The following RABGAP1L variants were observed in gnomAD, a reference collection of about 807,000 sequenced individuals.
The protein encoded by RABGAP1L is rab GTPase-activating protein 1-like.
RABGAP1L carries 63 observed loss-of-function variants against 137.7 expected under a neutral mutation model. The ratio of observed to expected loss-of-function variants is 0.46; its 90% CI spans 0.37 to 0.56. The LOEUF is 0.56. Ranked by LOEUF, RABGAP1L falls within the 20% of genes least tolerant of loss-of-function variation. The probability of loss-of-function intolerance (pLI) is 0.00; values close to 1 mark genes in which losing one functional copy is unlikely to be tolerated. For synonymous variants in RABGAP1L, 431 were observed against 433.7 expected, an observed-to-expected ratio of 0.99 and a Z score of 0.08; for missense variants, 1,095 against 1,244.0, an observed-to-expected ratio of 0.88 and a Z score of 1.80.
At chr1:174,627,019 A>G (rs1370131390) in intron 13 of RABGAP1L, among the ~76,000 whole-genome samples, 1 of 152,196 alleles carries the variant, frequency 6.6e-6, no homozygotes, top group East Asian at 1.9e-4. Context: ...GACAGTCTAT[A>G]CTGGCATTTT....
intron 13 of RABGAP1L, among the ~76,000 whole-genome samples, chr1:174,394,949 G>GTT (rs200599515): frequency 5.6e-5 from 8 of 142,924 alleles, no homozygotes; most frequent in African/African-American, 7.6e-5. Flanking sequence ...GCTGAATTCA[G>GTT]TTTTTTTTTT....
intron 18 of RABGAP1L, among the ~76,000 whole-genome samples, chr1:174,799,556 C>T (rs182148816): frequency 9.2e-5 from 14 of 152,200 alleles, no homozygotes; most frequent in Non-Finnish European, 2.1e-4. Context: ...CTCTCTGTGG[C>T]TTAGGATTCA....
chr1:174,394,138 T>C lies in RABGAP1L; in HGVS notation c.1703T>C (p.Ile568Thr), dbSNP rs1311157516. Residue 568 changes from isoleucine (I) to threonine (T), a missense_variant, in exon 13 of 26, where the codon ATC (isoleucine) becomes ACC (threonine). Around this residue, in one of 4 missense-constraint regions of RABGAP1L, gnomAD observed 315 missense variants for 324.8 expected, o/e 0.97. Coordinates refer to ENST00000681986, the MANE Select transcript of RABGAP1L (RefSeq NM_001366446.1). Reference protein sequence around the residue: ...QAMLDRYRILITKDSAQESVI... With the variant: ...QAMLDRYRILTTKDSAQESVI... Reference sequence around the variant, plus strand: ...ATGCTGGATAGATACCGAATTCTTATCACAAAGGTAGGAAGAAGTTCTTTT... The same window carrying C: ...ATGCTGGATAGATACCGAATTCTTACCACAAAGGTAGGAAGAAGTTCTTTT... The C allele has an allele frequency of 6.2e-7, 1 of 1,612,402 alleles. No individual in the cohort carries two copies. The highest frequency in any genetic ancestry group is 1.1e-5 in the South Asian group (1 of 90,640).
chr1:174,686,982 G>A (rs917264705), intron 15 of RABGAP1L, among the ~76,000 whole-genome samples: 3 of 151,752 alleles, frequency 2.0e-5, no homozygotes, highest in Admixed American at 1.3e-4. Context: ...TGAACATACC[G>A]TAGTTTAGCA....
At chr1:174,201,549 G>A (rs770689542) in intron 1 of RABGAP1L, among the ~76,000 whole-genome samples, 6 of 151,958 alleles carry the variant, frequency 3.9e-5, no homozygotes, top group Non-Finnish European at 4.4e-5. Flanking sequence ...TTTATTTTAT[G>A]TAGATGCTAC....
chr1:174,783,277 A>G (rs754234900), intron 18 of RABGAP1L, among the ~76,000 whole-genome samples: 107 of 152,080 alleles, frequency 7.0e-4, no homozygotes, highest in Non-Finnish European at 9.6e-4. Context: ...CAACGGTTCT[A>G]TTCCGTGACT....
At chr1:174,289,505 A>G (rs2148712866) in intron 10 of RABGAP1L, among the ~76,000 whole-genome samples, 1 of 152,314 alleles carries the variant, frequency 6.6e-6, no homozygotes, top group South Asian at 2.1e-4. Flanking sequence ...CAGTTATTAC[A>G]GCTTTATTAG....
chr1:174,582,765 G>T (rs545100316), intron 13 of RABGAP1L, among the ~76,000 whole-genome samples: 6 of 152,258 alleles, frequency 3.9e-5, no homozygotes, highest in African/African-American at 1.4e-4. Context: ...ATAGGATATT[G>T]TTAGGTTTAT....
At chr1:174,185,423 G>T (rs1666721840) in intron 1 of RABGAP1L, among the ~76,000 whole-genome samples, 1 of 151,928 alleles carries the variant, frequency 6.6e-6, no homozygotes, top group African/African-American at 2.4e-5. Flanking sequence ...TAATTAAATT[G>T]CTTTTTTGGT....
At chr1:174,921,772 T>G (rs2149230269) in intron 19 of RABGAP1L, among the ~76,000 whole-genome samples, 1 of 152,336 alleles carries the variant, frequency 6.6e-6, no homozygotes, top group Non-Finnish European at 1.5e-5. Flanking sequence ...CATGTTTGAA[T>G]TTTTTGTCTT....
chr1:174,847,403 G>A (rs1471494888), intron 19 of RABGAP1L, among the ~76,000 whole-genome samples: 8 of 151,230 alleles, frequency 5.3e-5, no homozygotes, highest in East Asian at 3.9e-4. Flanking sequence ...TCCTTCAGGA[G>A]CTCTTTTAGG....
intron 12 of RABGAP1L, among the ~76,000 whole-genome samples, chr1:174,381,470 C>G (rs1686154935): frequency 2.1e-5 from 2 of 97,336 alleles, no homozygotes; most frequent in Middle Eastern, 0.01. Context: ...AATCTGGGTG[C>G]TCCTGTATTG....
chr1:174,843,077 A>G (rs1045740176), intron 19 of RABGAP1L, among the ~76,000 whole-genome samples: 8 of 152,152 alleles, frequency 5.3e-5, no homozygotes, highest in African/African-American at 1.9e-4. Context: ...AAAATAAAAT[A>G]AATCCTCGAT....
chr1:174,667,424 C>A lies in RABGAP1L; in HGVS notation c.1825-16098C>A, dbSNP rs547628121. 2.5e-4 allele frequency among the ~76,000 whole-genome samples: 38 copies of A among 152,230 alleles called. 1 individual carries two copies. In the South Asian group the frequency reaches 7.7e-3, roughly 31 times the overall value. Reference sequence around the variant, plus strand: ...GACTTGGGTTCAAATGGTGATTCTACCATTTATTAGCTATATGACCTTGCC... The same window carrying A: ...GACTTGGGTTCAAATGGTGATTCTAACATTTATTAGCTATATGACCTTGCC... On this transcript the variant is annotated intron_variant, in intron 14 of 25. Transcript: ENST00000681986.
chr1:174,808,052 C>T (rs1013789037), intron 18 of RABGAP1L, among the ~76,000 whole-genome samples: 25 of 149,918 alleles, frequency 1.7e-4, no homozygotes, highest in South Asian at 1.5e-3. Context: ...GGCGCGATCT[C>T]GGCCCACTGC....
chr1:174,634,912 T>G (rs1406437915), intron 13 of RABGAP1L, among the ~76,000 whole-genome samples: 2 of 137,814 alleles, frequency 1.5e-5, no homozygotes, highest in South Asian at 2.5e-4. Flanking sequence ...AGGGATAGCA[T>G]TGGGAGATAT....
At chr1:174,574,087 C>G (rs1224475728) in intron 13 of RABGAP1L, among the ~76,000 whole-genome samples, 13 of 152,168 alleles carry the variant, frequency 8.5e-5, no homozygotes, top group Non-Finnish European at 1.5e-5. Flanking sequence ...CGGGTCATTA[C>G]AGCAGGTCCC....
intron 11 of RABGAP1L, among the ~76,000 whole-genome samples, chr1:174,332,332 T>C (rs1327508092): frequency 1.3e-5 from 2 of 152,136 alleles, no homozygotes; most frequent in Non-Finnish European, 2.9e-5. Context: ...TGAGGAAGGA[T>C]TGGTCTTCAG....
In RABGAP1L at chr1:174,598,851, A is replaced by T. The variant is rs536149438; in HGVS notation, c.1711-38524A>T. On this transcript the variant is annotated intron_variant, in intron 13 of 25. Transcript: ENST00000681986. ...ATTGGGTCTTTTTTTTATTTTTTTA[A>T]TCCATTCAGCCACTCCATTTCTTTT... Among the ~76,000 whole-genome samples the T allele has an allele frequency of 4.7e-4, 71 of 151,542 alleles. 1 individual carries two copies. The highest frequency in any genetic ancestry group is 1.6e-3 in the African/African-American group (68 of 41,324).
Sources: allele counts gnomAD v4.1 joint callset (sites outside exome capture counted in the v4.1 genomes callset), GRCh38; gene constraint gnomAD v4.1.1; regional missense constraint gnomAD v4.1.1; transcripts MANE v1.5; gene names NCBI Gene and HGNC (gene_info 2026-07-23, HGNC 2026-07-21).